SV2B: variants seen among roughly 807,000 people sequenced by gnomAD.
SV2B encodes synaptic vesicle glycoprotein 2B, also known as solute carrier family 22 member B2.
Under a neutral mutation model 73.9 loss-of-function variants are expected in SV2B, and 41 were observed. The observed-to-expected ratio is 0.56, with a 90% CI of 0.43 to 0.72. The LOEUF (loss-of-function observed/expected upper bound fraction) is 0.72. Ranked by LOEUF, SV2B falls within the 30% of genes least tolerant of loss-of-function variation. The probability of loss-of-function intolerance (pLI) is 0.00; values close to 1 mark genes in which losing one functional copy is unlikely to be tolerated. For missense variants in SV2B, 764 were observed against 857.8 expected, an observed-to-expected ratio of 0.89 and a Z score of 1.37; for synonymous variants, 314 against 314.2, an observed-to-expected ratio of 1.00 and a Z score of 0.01.
In SV2B at chr15:91,301,985, C is replaced by A. The variant is rs16945542; in HGVS notation, c.*9433C>A. 1.3e-5 allele frequency among the ~76,000 whole-genome samples: 2 copies of A among 152,176 alleles called. No homozygotes were observed. The highest frequency in any genetic ancestry group is 4.8e-5 in the African/African-American group (2 of 41,412). On this transcript the variant is annotated 3_prime_UTR_variant, in exon 13 of 13. Transcript: ENST00000394232. The surrounding 1 kb of genome is among the most constrained non-coding windows in gnomAD (Gnocchi z 4.3). The stretch of plus-strand genomic sequence containing the variant: ...CATATAGTATGGTATAATCACCCCA[C>A]CAAACCTCTTCCAAAAGAAGCCAGG...
intron 11 of SV2B, among the ~76,000 whole-genome samples, chr15:91,286,551 A>G (rs745361945): frequency 2.6e-5 from 4 of 152,178 alleles, no homozygotes; most frequent in African/African-American, 4.8e-5. Context: ...CAAATGATCT[A>G]TTGGGAGAGG....
At chr15:91,194,682 A>G (rs1362412018) in intron 1 of SV2B, among the ~76,000 whole-genome samples, 1 of 152,210 alleles carries the variant, frequency 6.6e-6, no homozygotes, top group Non-Finnish European at 1.5e-5. Flanking sequence ...TGAAGGAGAG[A>G]AATTCGTTAC....
At chr15:91,126,248 G>T (rs2042479194) in intron 1 of SV2B, among the ~76,000 whole-genome samples, 1 of 152,212 alleles carries the variant, frequency 6.6e-6, no homozygotes, top group Admixed American at 6.5e-5. Flanking sequence ...GAGACCCAGA[G>T]CAGTGACTCA....
In SV2B at chr15:91,197,036, C is replaced by T. The variant is rs534047561; in HGVS notation, c.-391-28837C>T. Among the ~76,000 whole-genome samples, 22 of 152,208 alleles carry T rather than the reference C, an allele frequency of 1.4e-4. No individual in the cohort carries two copies. The highest frequency in any genetic ancestry group is 2.5e-4 in the Non-Finnish European group (17 of 68,040). ...CGGGGATTTTGCTCCTCTGTTGCTC[C>T]GCCTGCCGGCTGTGGCAGCCTTTAG... is the stretch of plus-strand genomic sequence containing the variant. On this transcript the variant is annotated intron_variant, in intron 1 of 12. Coordinates refer to ENST00000394232, the MANE Select transcript of SV2B (RefSeq NM_001323032.3). This position sits in a 1 kb window ranked among gnomAD's most constrained non-coding sequence, Gnocchi z 4.9.
intron 1 of SV2B, among the ~76,000 whole-genome samples, chr15:91,144,647 G>A (rs947416726): frequency 1.3e-5 from 2 of 152,196 alleles, no homozygotes; most frequent in Non-Finnish European, 2.9e-5. Context: ...CAGCTCAGAG[G>A]CATTGACCAC....
chr15:91,134,813 G>T (rs2042768294), intron 1 of SV2B, among the ~76,000 whole-genome samples: 1 of 151,990 alleles, frequency 6.6e-6, no homozygotes, highest in Non-Finnish European at 1.5e-5. Flanking sequence ...AACAAAAACT[G>T]CCCTGTACCA....
At chr15:91,131,951 A>G (rs1327495922) in intron 1 of SV2B, among the ~76,000 whole-genome samples, 1 of 152,208 alleles carries the variant, frequency 6.6e-6, no homozygotes, top group Non-Finnish European at 1.5e-5. Context: ...CCATAGAGTG[A>G]GACTCTGTCT....
intron 4 of SV2B, among the ~76,000 whole-genome samples, chr15:91,255,259 T>C (rs2047643625): frequency 6.6e-6 from 1 of 152,196 alleles, no homozygotes; most frequent in African/African-American, 2.4e-5. Context: ...GGGATGTCCA[T>C]GGCAGAGGGG....
In SV2B at chr15:91,119,009, C is replaced by T. The variant is rs141716742; in HGVS notation, c.-392+18646C>T. Among the ~76,000 whole-genome samples, 663 of 152,218 alleles carry T rather than the reference C, an allele frequency of 4.4e-3. 2 individuals carry two copies. The highest frequency in any genetic ancestry group is 6.8e-3 in the Middle Eastern group (2 of 294). On this transcript the variant is annotated intron_variant, in intron 1 of 12. Transcript: ENST00000394232. ...CCGCTTGGGGCTCCCGGCTTTTACT[C>T]CTAATCCTCAGCTTCTGTCTGGCCT...
intron 1 of SV2B, among the ~76,000 whole-genome samples, chr15:91,194,425 A>G (rs752359528): frequency 5.9e-5 from 9 of 152,202 alleles, no homozygotes; most frequent in Non-Finnish European, 1.3e-4. Flanking sequence ...GAATCAAGCT[A>G]CTGTGAACAT....
intron 1 of SV2B, among the ~76,000 whole-genome samples, chr15:91,175,704 T>C (rs1262115630): frequency 1.8e-5 from 1 of 55,540 alleles, no homozygotes; most frequent in African/African-American, 2.9e-4. Context: ...TGTAAATACA[T>C]ATATATATAT....
chr15:91,267,782 T>C lies in SV2B; in HGVS notation c.1208+139T>C. ...GTGGCAAGTAGCAGAAAACCAACTCTAGTGGCTTCTACAAAGAAGAAACTT... is the reference window on the plus strand; with the variant it reads ...GTGGCAAGTAGCAGAAAACCAACTCCAGTGGCTTCTACAAAGAAGAAACTT... On this transcript the variant is annotated intron_variant, in intron 8 of 12. Transcript: ENST00000394232. This position sits in a 1 kb window ranked among gnomAD's most constrained non-coding sequence, Gnocchi z 4.3. 2.9e-6 allele frequency: 2 copies of C among 688,624 alleles called. No individual in the cohort carries two copies. The highest frequency in any genetic ancestry group is 8.0e-4 in the Middle Eastern group (2 of 2,508). 42.7% of individuals were successfully genotyped at this position (688,624 alleles called of 1,614,324 possible).
chr15:91,179,397 T>C (rs1311946201), intron 1 of SV2B, among the ~76,000 whole-genome samples: 3 of 152,228 alleles, frequency 2.0e-5, no homozygotes, highest in Non-Finnish European at 2.9e-5. Flanking sequence ...GTTCTGTAGA[T>C]GTCTATTAGG....
rs1481444006 is a variant in SV2B at position 91,128,501 on chromosome 15, G to A, written c.-392+28138G>A. 1.3e-5 allele frequency among the ~76,000 whole-genome samples: 2 copies of A among 152,130 alleles called. No homozygotes were observed. The highest frequency in any genetic ancestry group is 4.8e-5 in the African/African-American group (2 of 41,420). On this transcript the variant is annotated intron_variant, in intron 1 of 12. Coordinates refer to ENST00000394232, the MANE Select transcript of SV2B (RefSeq NM_001323032.3). The surrounding 1 kb of genome is among the most constrained non-coding windows in gnomAD (Gnocchi z 4.2). ...ATCCAAAAATGAAGGCCTCAGAAGC[G>A]AAAGTGTTTTTCTCCTCCCCGTCTG...
At position 91,283,887 on chromosome 15, in the gene SV2B, A is replaced by ACGACATGGCCACATATTACCTTGT; in HGVS notation, c.1508-133_1508-132insGACATGGCCACATATTACCTTGTC. The ACGACATGGCCACATATTACCTTGT allele has an allele frequency of 4.6e-6, 4 of 877,596 alleles. No individual in the cohort carries two copies. Among genetic ancestry groups the ACGACATGGCCACATATTACCTTGT allele is most frequent in the Non-Finnish European group, 7.3e-6 (4 of 548,784 alleles). 54.4% of individuals were successfully genotyped at this position (877,596 alleles called of 1,614,324 possible). Reference sequence around the variant, plus strand: ...GATGACATGGCCACATATTACCTTGACTTTGAGGCTGTCTGACTGGCAAAG... The same window carrying ACGACATGGCCACATATTACCTTGT: ...GATGACATGGCCACATATTACCTTGACGACATGGCCACATATTACCTTGTCTTTGAGGCTGTCTGACTGGCAAAG... On this transcript the variant is annotated intron_variant, in intron 10 of 12. Transcript: ENST00000394232. The surrounding 1 kb of genome is among the most constrained non-coding windows in gnomAD (Gnocchi z 4.3).
rs1351174354 is a variant in SV2B at position 91,290,326 on chromosome 15, A to T, written c.1868+646A>T. ...ATGAAATTCTGCAAAAACCTTAATG[A>T]TATTTCCAAAATTGGCGACAGAGGT... is the stretch of plus-strand genomic sequence containing the variant. On this transcript the variant is annotated intron_variant, in intron 12 of 12. Coordinates refer to ENST00000394232, the MANE Select transcript of SV2B (RefSeq NM_001323032.3). The surrounding 1 kb of genome is among the most constrained non-coding windows in gnomAD (Gnocchi z 4.7). Among the ~76,000 whole-genome samples, 1 of 152,212 alleles carries T rather than the reference A, an allele frequency of 6.6e-6. No homozygotes were observed. The highest frequency in any genetic ancestry group is 1.5e-5 in the Non-Finnish European group (1 of 68,042).
At chr15:91,145,331 A>G (rs142689527) in intron 1 of SV2B, among the ~76,000 whole-genome samples, 114 of 152,340 alleles carry the variant, frequency 7.5e-4, no homozygotes, top group African/African-American at 2.6e-3. Context: ...CATTCTTTTT[A>G]TGGCTGCATA....
In SV2B at chr15:91,298,830, A is replaced by G. The variant is rs748466239; in HGVS notation, c.*6278A>G. The G allele has an allele frequency of 2.6e-5, 4 of 152,182 alleles. No homozygotes were observed. The highest frequency in any genetic ancestry group is 5.9e-5 in the Non-Finnish European group (4 of 68,028). The allele number at this position is 152,182 out of a possible 1,614,324, so 9.4% of individuals were successfully genotyped here. On this transcript the variant is annotated 3_prime_UTR_variant, in exon 13 of 13. Coordinates refer to ENST00000394232, the MANE Select transcript of SV2B (RefSeq NM_001323032.3). The surrounding 1 kb of genome is among the most constrained non-coding windows in gnomAD (Gnocchi z 5.4). ...ATGATTTTGCTAGGTAGGGAGGTTT[A>G]TTTAATCACAGCTACTGTCACTCAG...
Position 91,252,534 on chromosome 15 carries a change from C to G in SV2B, c.784+14C>G. 6.3e-7 allele frequency: 1 copy of G among 1,590,356 alleles called. No homozygotes were observed. Among genetic ancestry groups the G allele is most frequent in the Non-Finnish European group, 8.6e-7 (1 of 1,167,238 alleles). ...TCCCACACTATGGTGAGTCATGGCT[C>G]CAAACAGCCTAGGGGGCCCTGTTTC... is the stretch of plus-strand genomic sequence containing the variant. On this transcript the variant is annotated intron_variant, in intron 4 of 12. Transcript: ENST00000394232. This position sits in a 1 kb window ranked among gnomAD's most constrained non-coding sequence, Gnocchi z 4.6.
Sources: allele counts gnomAD v4.1 joint callset (sites outside exome capture counted in the v4.1 genomes callset), GRCh38; gene constraint gnomAD v4.1.1; non-coding constraint Gnocchi (gnomAD v3.1); transcripts MANE v1.5; gene names NCBI Gene and HGNC (gene_info 2026-07-23, HGNC 2026-07-21).